Variants in SNX27 observed in about 807,000 individuals in gnomAD.
SNX27 encodes the protein sorting nexin 27.
In SNX27, 22 loss-of-function variants were observed where a neutral mutation model predicts 71.6. That is an observed-to-expected ratio of 0.31 (90% CI 0.22 to 0.44). The LOEUF is 0.44. Among genes scored for constraint, SNX27 ranks in the 20% least tolerant of loss-of-function variants. The pLI is 1.00. For missense variants in SNX27, 531 were observed against 698.6 expected (o/e 0.76, Z 2.70); for synonymous variants, 269 against 277.2 (o/e 0.97, Z 0.29).
intron 3 of SNX27, chr1:151,660,224 CCAT>C (rs1669902351): frequency 6.6e-6 from 1 of 151,748 alleles, no homozygotes; most frequent in Non-Finnish European, 1.5e-5. Flanking sequence ...CTTTCCTATC[CCAT>C]CACGTCCCCC....
At chr1:151,658,045 G>A (rs999628734) in intron 2 of SNX27, among the ~76,000 whole-genome samples, 190 bp from the exon 3 acceptor site, 1 of 152,068 alleles carries the variant, frequency 6.6e-6, no homozygotes, top group African/African-American at 2.4e-5. Flanking sequence ...TCCTTTGGTA[G>A]TCCTTTTTTA....
intron 1 of SNX27, among the ~76,000 whole-genome samples, chr1:151,629,901 T>A (rs1411508399): frequency 2.6e-5 from 4 of 151,538 alleles, no homozygotes; most frequent in East Asian, 3.9e-4. Context: ...ATATATATAT[T>A]TTTTTGTGAG....
chr1:151,660,691 G>T (rs779601993), intron 3 of SNX27, 107 bp from the exon 4 acceptor site: 18 of 828,142 alleles, frequency 2.2e-5, no homozygotes, highest in Non-Finnish European at 3.3e-5. Flanking sequence ...TGCTACTGAT[G>T]ATTTAAACTT....
rs944204186 is a variant in SNX27, at chr1:151,697,140, A to C, written c.*2723A>C. 6.6e-6 allele frequency: 1 copy of C among 152,212 alleles called. No individual in the cohort carries two copies. Among genetic ancestry groups the C allele is most frequent in the Non-Finnish European group, 1.5e-5 (1 of 68,042 alleles). 9.4% of individuals were successfully genotyped at this position (152,212 alleles called of 1,614,324 possible). On this transcript the variant is annotated 3_prime_UTR_variant, in exon 12 of 12. Transcript: ENST00000458013. Reference sequence around the variant, plus strand: ...CCCTAATTTGAAGACTTTGACACAGAACTAACTTCTTTTGACTTAAATGAA... The same window carrying C: ...CCCTAATTTGAAGACTTTGACACAGCACTAACTTCTTTTGACTTAAATGAA...
intron 1 of SNX27, among the ~76,000 whole-genome samples, chr1:151,621,071 CTT>C (rs1667653990): frequency 6.6e-6 from 1 of 152,140 alleles, no homozygotes; most frequent in Non-Finnish European, 1.5e-5. Context: ...GGGGGGGAAA[CTT>C]AATGTGGTAC....
intron 1 of SNX27, chr1:151,615,877 T>A (rs897140834): frequency 6.3e-6 from 6 of 949,882 alleles, no homozygotes; most frequent in Admixed American, 6.2e-5. Flanking sequence ...TTCAGTTTCT[T>A]TGTGTTTCTT....
intron 1 of SNX27, among the ~76,000 whole-genome samples, chr1:151,632,493 A>G (rs1668286015): frequency 6.6e-6 from 1 of 152,160 alleles, no homozygotes; most frequent in African/African-American, 2.4e-5. Flanking sequence ...GGTTTGAAAT[A>G]TGTGTCCTAT....
intron 1 of SNX27, among the ~76,000 whole-genome samples, chr1:151,617,065 T>A (rs1667453991): frequency 6.6e-6 from 1 of 152,138 alleles, no homozygotes; most frequent in Non-Finnish European, 1.5e-5. Flanking sequence ...AGTGAATTGT[T>A]AGGCTCTCGA....
At position 151,693,383 on chromosome 1, in the gene SNX27, G is replaced by A. The variant is rs1321039792; in HGVS notation, c.1519-41G>A. The A allele has an allele frequency of 4.5e-6, 7 of 1,570,046 alleles. No homozygotes were observed. The South Asian group carries it at 6.8e-5, about 15-fold the overall frequency. On this transcript the variant is annotated intron_variant, in intron 10 of 11. Coordinates refer to ENST00000458013, the MANE Select transcript of SNX27 (RefSeq NM_001330723.2). ...TCAAAGGCACAGTCCTGAGATGCCT[G>A]CTCTTGAGAAGTTAGTGAGTGTCAC... is the stretch of plus-strand genomic sequence containing the variant.
chr1:151,646,633 A>G (rs1245399446), intron 2 of SNX27, among the ~76,000 whole-genome samples: 1 of 148,318 alleles, frequency 6.7e-6, no homozygotes, highest in Non-Finnish European at 1.5e-5. Context: ...TATATAGTAT[A>G]ACACTGTATA....
At chr1:151,668,011 A>C (rs1156324558) in intron 6 of SNX27, among the ~76,000 whole-genome samples, 1 of 152,120 alleles carries the variant, frequency 6.6e-6, no homozygotes, top group Non-Finnish European at 1.5e-5. Flanking sequence ...ATTTATAAAG[A>C]AAAAAGGTCT....
intron 2 of SNX27, among the ~76,000 whole-genome samples, chr1:151,653,735 G>C (rs1402395882): frequency 6.6e-6 from 1 of 151,826 alleles, no homozygotes; most frequent in African/African-American, 2.4e-5. Context: ...TGTTCAGGCT[G>C]GTCTCAAAAT....
chr1:151,651,525 C>T (rs368934814), intron 2 of SNX27, among the ~76,000 whole-genome samples: 8 of 147,368 alleles, frequency 5.4e-5, no homozygotes, highest in Admixed American at 1.3e-4. Flanking sequence ...ACTTCTCAGA[C>T]GGGGCGGCCG....
At position 151,696,514 on chromosome 1, in the gene SNX27, GTTCTTTCGTTCTTTCT is replaced by G. The variant is rs1337905291; in HGVS notation, c.*2105_*2120del. On this transcript the variant is annotated 3_prime_UTR_variant, in exon 12 of 12. Transcript: ENST00000458013. Reference sequence around the variant, plus strand: ...CTTTCTTTCTTTCTTTCGTTCTTTCGTTCTTTCGTTCTTTCTTTCTTTCTTTCTTTCTCTTTCTTTC... The same window carrying G: ...CTTTCTTTCTTTCTTTCGTTCTTTCGTTCTTTCTTTCTTTCTCTTTCTTTC... 1,503 of 118,356 alleles carry G rather than the reference GTTCTTTCGTTCTTTCT, an allele frequency of 0.013. 28 individuals are homozygous for G. The highest frequency in any genetic ancestry group is 0.045 in the African/African-American group (1,398 of 30,748). 7.3% of individuals were successfully genotyped at this position (118,356 alleles called of 1,614,324 possible). A position where few individuals can be genotyped will look rare whatever the true frequency, so the allele number is the denominator to read the frequency against.
chr1:151,641,613 A>ATATATATATC (rs1668731804), intron 2 of SNX27, among the ~76,000 whole-genome samples: 1 of 126,792 alleles, frequency 7.9e-6, no homozygotes, highest in Non-Finnish European at 1.6e-5. Context: ...ATATATATAT[A>ATATATATATC]TATATATATA....
chr1:151,630,971 G>A (rs889313980), intron 1 of SNX27, among the ~76,000 whole-genome samples: 12 of 152,356 alleles, frequency 7.9e-5, no homozygotes, highest in Admixed American at 5.2e-4. Context: ...GGCGGAGCTG[G>A]CAGTGAGCTG....
chr1:151,638,962 T>C lies in SNX27; in HGVS notation c.386T>C (p.Ile129Thr). The change falls in exon 2 of 12, where the codon ATC becomes ACC. Residue 129 changes from isoleucine (I) to threonine (T), a missense_variant. Physicochemically the swap from Ile to Thr is moderately conservative, Grantham distance 89. Coordinates refer to ENST00000458013, the MANE Select transcript of SNX27 (RefSeq NM_001330723.2). ...ATTCGAGCAGGCGAGAAGGAATTGATCTTGACAGTGTTATCTGTACCTCCT... is the reference window on the plus strand; with the variant it reads ...ATTCGAGCAGGCGAGAAGGAATTGACCTTGACAGTGTTATCTGTACCTCCT... ...DLIRAGEKELILTVLSVPPHE... is the reference protein window; with the variant it reads ...DLIRAGEKELTLTVLSVPPHE... The C allele has an allele frequency of 1.2e-6, 2 of 1,614,138 alleles. No individual in the cohort carries two copies. The highest frequency in any genetic ancestry group is 3.3e-4 in the Middle Eastern group (2 of 6,062).
intron 1 of SNX27, among the ~76,000 whole-genome samples, chr1:151,628,537 G>A (rs1668054512): frequency 6.6e-6 from 1 of 152,080 alleles, no homozygotes; most frequent in South Asian, 2.1e-4. Flanking sequence ...GGATCTTATG[G>A]TAAGACTGTA....
At chr1:151,664,679 C>T (rs892611180) in intron 5 of SNX27, among the ~76,000 whole-genome samples, 12 of 152,082 alleles carry the variant, frequency 7.9e-5, no homozygotes, top group Non-Finnish European at 5.9e-5. Flanking sequence ...AAAAACCTAT[C>T]CCCCATACAT....
Sources: allele counts gnomAD v4.1 joint callset (sites outside exome capture counted in the v4.1 genomes callset), GRCh38; gene constraint gnomAD v4.1.1; transcripts MANE v1.5; gene names NCBI Gene and HGNC (gene_info 2026-07-23, HGNC 2026-07-21).